ARHGEF33: variants seen among roughly 807,000 people sequenced by gnomAD.
ARHGEF33 encodes DH and coiled-coil domain-containing protein ENSP00000381780.
ARHGEF33 carries 72 observed loss-of-function variants against 101.9 expected under a neutral mutation model. That is an observed-to-expected ratio of 0.71 (90% CI 0.58 to 0.86). The LOEUF (loss-of-function observed/expected upper bound fraction) is 0.86. Ranked by LOEUF, ARHGEF33 falls within the 40% of genes least tolerant of loss-of-function variation. The pLI is 0.00. For synonymous variants in ARHGEF33, 499 were observed against 442.5 expected (o/e 1.13, Z -1.60); for missense variants, 1,169 against 1,111.3 (o/e 1.05, Z -0.74).
At chr2:38,944,215 C>T (rs572966897) in intron 10 of ARHGEF33, among the ~76,000 whole-genome samples, 185 bp downstream of exon 10, 2 of 152,310 alleles carry the variant, frequency 1.3e-5, no homozygotes, top group South Asian at 4.1e-4. Flanking sequence ...ATATCGTAGA[C>T]TGGATAACTT....
In ARHGEF33 at chr2:38,960,632, A is replaced by T. The variant is rs1167327433; in HGVS notation, c.2327A>T (p.Tyr776Phe). 7.1e-7 allele frequency: 1 copy of T among 1,404,640 alleles called. No homozygotes were observed. The highest frequency in any genetic ancestry group is 1.5e-5 in the African/African-American group (1 of 65,544). The allele number at this position is 1,404,640 out of a possible 1,614,324, so 87.0% of individuals were successfully genotyped here. ...QQRSQSEKQTYLEVRREMHLE... is the reference protein window; with the variant it reads ...QQRSQSEKQTFLEVRREMHLE... ...AGGTCCCAAAGCGAAAAACAGACCT[A>T]TTTGGAAGTAAGGAGGGTAAAGTAA... Residue 776 changes from tyrosine (Y) to phenylalanine (F), a missense_variant, in exon 16 of 18, where the codon TAT becomes TTT. By Grantham distance (22) the Tyr-to-Phe change is conservative. Transcript: ENST00000409978.
At chr2:38,898,928 A>C (rs987668057) in intron 2 of ARHGEF33, among the ~76,000 whole-genome samples, 3 of 152,230 alleles carry the variant, frequency 2.0e-5, no homozygotes, top group African/African-American at 7.2e-5. Context: ...GCTCTGAAAG[A>C]TTCTCAGACA....
In ARHGEF33 at chr2:38,968,508, G is replaced by C. The variant is rs534630957; in HGVS notation, c.2483+2363G>C. The stretch of plus-strand genomic sequence containing the variant: ...TTTTATCTTTCTGTAGCTCCCCACT[G>C]ACCTTGGTATAATGTAGAGGACTTG... On this transcript the variant is annotated intron_variant, in intron 17 of 17. Transcript: ENST00000409978. Among the ~76,000 whole-genome samples the C allele has an allele frequency of 2.6e-5, 4 of 152,308 alleles. No homozygotes were observed. In the South Asian group the frequency reaches 8.3e-4, roughly 32 times the overall value.
At chr2:38,928,548 G>A (rs1160730056) in intron 4 of ARHGEF33, among the ~76,000 whole-genome samples, 5 of 152,148 alleles carry the variant, frequency 3.3e-5, no homozygotes, top group South Asian at 4.1e-4. Flanking sequence ...TTCTTTCACA[G>A]AATTCAAAGA....
intron 9 of ARHGEF33, among the ~76,000 whole-genome samples, chr2:38,942,326 C>G (rs1335541648): frequency 3.3e-5 from 5 of 151,784 alleles, no homozygotes; most frequent in African/African-American, 4.8e-5. Flanking sequence ...ACCACTATGC[C>G]CAGCTAACTT....
At chr2:38,922,911 A>G (rs917109592) in intron 4 of ARHGEF33, among the ~76,000 whole-genome samples, 5 of 152,154 alleles carry the variant, frequency 3.3e-5, no homozygotes, top group Admixed American at 6.5e-5. Flanking sequence ...GCCTAGAAGC[A>G]AAAAACTGGT....
intron 12 of ARHGEF33, 112 bp from the exon 13 acceptor site, chr2:38,954,261 G>A (rs1667685652): frequency 1.5e-6 from 1 of 667,170 alleles, no homozygotes; most frequent in Non-Finnish European, 2.7e-6. Flanking sequence ...ACAATCTCTG[G>A]GAAGAAAATG....
At chr2:38,899,758 T>A (rs1482639254) in intron 2 of ARHGEF33, among the ~76,000 whole-genome samples, 1 of 152,220 alleles carries the variant, frequency 6.6e-6, no homozygotes, top group Non-Finnish European at 1.5e-5. Context: ...GCTAATTAGC[T>A]TGATTTACTT....
intron 17 of ARHGEF33, among the ~76,000 whole-genome samples, chr2:38,968,522 G>T (rs1456772861): frequency 1.3e-5 from 2 of 152,200 alleles, no homozygotes; most frequent in African/African-American, 4.8e-5. Flanking sequence ...TTGGTATAAT[G>T]TAGAGGACTT....
At chr2:38,923,458 T>G (rs1666804886) in intron 4 of ARHGEF33, among the ~76,000 whole-genome samples, 3 of 152,322 alleles carry the variant, frequency 2.0e-5, no homozygotes, top group Admixed American at 6.5e-5. Context: ...CTATCTCATT[T>G]TATTTTCTGG....
At chr2:38,916,741 G>A (rs1572746099) in intron 2 of ARHGEF33, among the ~76,000 whole-genome samples, 1 of 151,086 alleles carries the variant, frequency 6.6e-6, no homozygotes, top group African/African-American at 2.4e-5. Context: ...ATAAACCTCA[G>A]TATGTGAATA....
chr2:38,956,944 C>T lies in ARHGEF33; in HGVS notation c.1267C>T (p.Leu423=). Residue 423 remains leucine (L), a synonymous_variant, in exon 14 of 18, where the codon CTA becomes TTA. Transcript: ENST00000409978. ...TEQEHPDYYL[L]LVCVQRLRVF... is the part of the protein sequence containing the mutation. ...GCAGGAGCACCCTGACTATTATCTA[C>T]TACTGGTGTGTGTCCAGCGCCTCCG... 1 of 1,552,404 alleles carries T rather than the reference C, an allele frequency of 6.4e-7. No homozygotes were observed. The highest frequency in any genetic ancestry group is 1.4e-5 in the African/African-American group (1 of 73,190).
At chr2:38,929,668 C>A in intron 5 of ARHGEF33, 41 bp from the exon 6 acceptor site, 1 of 1,524,716 alleles carries the variant, frequency 6.6e-7, no homozygotes, top group Non-Finnish European at 8.9e-7. Context: ...ATACTTTTAC[C>A]CCATGTACCA....
chr2:38,930,766 G>A (rs1026922080), intron 6 of ARHGEF33, among the ~76,000 whole-genome samples: 1 of 152,196 alleles, frequency 6.6e-6, no homozygotes, highest in Non-Finnish European at 1.5e-5. Context: ...CTTTTGAGTT[G>A]CATTGCTAAG....
intron 11 of ARHGEF33, among the ~76,000 whole-genome samples, chr2:38,952,146 G>A (rs1667626788): frequency 6.6e-6 from 1 of 152,192 alleles, no homozygotes; most frequent in African/African-American, 2.4e-5. Context: ...AAGATTGTGT[G>A]GGCTAATTAA....
rs1157461117 is a variant in ARHGEF33 at position 38,943,898 on chromosome 2, A to C, written c.791-3A>C. On this transcript the variant is annotated splice_polypyrimidine_tract_variant and splice_region_variant and intron_variant, in intron 9 of 17. Transcript: ENST00000409978. ...TCAAGTCCTCTTTGGTTTGTTTCTA[A>C]AGCTAAAAGACAGACTGTGGCCCTG... The C allele has an allele frequency of 1.9e-6, 3 of 1,550,792 alleles. No homozygotes were observed. The highest frequency in any genetic ancestry group is 2.6e-6 in the Non-Finnish European group (3 of 1,146,794).
intron 17 of ARHGEF33, chr2:38,969,345 T>TCCC (rs1010573898): frequency 6.0e-6 from 1 of 167,626 alleles, no homozygotes; most frequent in African/African-American, 2.4e-5. Context: ...GCTACCTTCC[T>TCCC]CCCCCACAGC....
At chr2:38,972,086 T>TG (rs1295181890) in intron 17 of ARHGEF33, 1 of 644,914 alleles carries the variant, frequency 1.6e-6, no homozygotes, top group African/African-American at 1.8e-5. Context: ...AACTGTCCTG[T>TG]GGGGGAACAA....
intron 6 of ARHGEF33, 81 bp from the exon 7 acceptor site, chr2:38,931,028 G>A: frequency 9.1e-7 from 1 of 1,093,492 alleles, no homozygotes; most frequent in Non-Finnish European, 1.3e-6. Flanking sequence ...ACATTTTCTT[G>A]AGTTGTTCTG....
Sources: allele counts gnomAD v4.1 joint callset (sites outside exome capture counted in the v4.1 genomes callset), GRCh38; gene constraint gnomAD v4.1.1; transcripts MANE v1.5; gene names NCBI Gene and HGNC (gene_info 2026-07-23, HGNC 2026-07-21).